NRXN3: variants seen among roughly 807,000 people sequenced by gnomAD.
The protein encoded by NRXN3 is neurexin 3, also known as neurexin III.
Under a neutral mutation model 137.6 loss-of-function variants are expected in NRXN3, and 32 were observed. The observed-to-expected ratio is 0.23, with a 90% CI of 0.18 to 0.31. NRXN3 has a LOEUF of 0.31. Among genes scored for constraint, NRXN3 ranks in the 10% least tolerant of loss-of-function variants. The pLI is 1.00. For missense variants in NRXN3, 1,574 were observed against 2,062.5 expected, an observed-to-expected ratio of 0.76 and a Z score of 4.59; for synonymous variants, 798 against 784.5, an observed-to-expected ratio of 1.02 and a Z score of -0.29.
At chr14:79,804,886 A>AGCTC (rs2099197601) in intron 19 of NRXN3, among the ~76,000 whole-genome samples, 1 of 152,106 alleles carries the variant, frequency 6.6e-6, no homozygotes, top group Admixed American at 6.5e-5. Flanking sequence ...TGGGTCACTC[A>AGCTC]GCTCTACGGA....
intron 4 of NRXN3, among the ~76,000 whole-genome samples, chr14:78,407,456 G>T (rs905740553): frequency 8.5e-5 from 13 of 152,136 alleles, no homozygotes; most frequent in Admixed American, 3.3e-4. Flanking sequence ...GAAACCTGGG[G>T]TTATGCTTTG....
At position 78,542,833 on chromosome 14, in the gene NRXN3, A is replaced by G. The variant is rs2096604090; in HGVS notation, c.758-102287A>G. The stretch of plus-strand genomic sequence containing the variant: ...TTGGCCATCTTGGAATACCCACTCC[A>G]GATTTCTTTTCTTAAAATAATACCT... On this transcript the variant is annotated intron_variant, in intron 4 of 20. Coordinates refer to ENST00000335750, the MANE Select transcript of NRXN3 (RefSeq NM_001330195.2). Among the ~76,000 whole-genome samples the G allele has an allele frequency of 2.0e-5, 3 of 152,176 alleles. 1 individual carries two copies. The highest frequency in any genetic ancestry group is 2.0e-4 in the Admixed American group (3 of 15,268).
intron 15 of NRXN3, among the ~76,000 whole-genome samples, chr14:79,178,500 C>T (rs1596890496): frequency 6.6e-6 from 1 of 152,182 alleles, no homozygotes; most frequent in Non-Finnish European, 1.5e-5. Context: ...GGAAAAACAA[C>T]ATTTACTTTC....
intron 15 of NRXN3, among the ~76,000 whole-genome samples, chr14:79,005,898 A>G (rs141168510): frequency 6.6e-6 from 1 of 152,260 alleles, no homozygotes; most frequent in African/African-American, 2.4e-5. Flanking sequence ...TCTTTCACTA[A>G]ATATTTCATC....
intron 4 of NRXN3, among the ~76,000 whole-genome samples, chr14:78,329,993 A>T (rs2080594566): frequency 2.0e-5 from 3 of 152,174 alleles, no homozygotes; most frequent in Non-Finnish European, 4.4e-5. Context: ...AAAACAGCAG[A>T]TGCTCCCAGG....
chr14:78,336,319 C>T (rs776194909), intron 4 of NRXN3, among the ~76,000 whole-genome samples: 4 of 152,112 alleles, frequency 2.6e-5, no homozygotes, highest in South Asian at 2.1e-4. Context: ...TTTTCTTATG[C>T]GTCCTTGGTC....
At chr14:79,111,696 C>G (rs978596668) in intron 15 of NRXN3, among the ~76,000 whole-genome samples, 1 of 151,208 alleles carries the variant, frequency 6.6e-6, no homozygotes, top group Admixed American at 6.6e-5. Context: ...TGAGATCGCA[C>G]CGTGGCACTC....
At chr14:78,615,768 C>A (rs954628132) in intron 4 of NRXN3, among the ~76,000 whole-genome samples, 10 of 151,908 alleles carry the variant, frequency 6.6e-5, no homozygotes, top group African/African-American at 1.9e-4. Context: ...GACACAGTCT[C>A]TACCCCCAAA....
chr14:78,518,348 T>A (rs571480248), intron 4 of NRXN3, among the ~76,000 whole-genome samples: 1 of 151,490 alleles, frequency 6.6e-6, no homozygotes, highest in East Asian at 1.9e-4. Flanking sequence ...AGTCTTTATG[T>A]TTAGCATCAC....
chr14:79,142,134 A>G (rs1357279311), intron 15 of NRXN3, among the ~76,000 whole-genome samples: 2 of 152,154 alleles, frequency 1.3e-5, no homozygotes, highest in African/African-American at 2.4e-5. Flanking sequence ...TTGTCCATTG[A>G]AAAGGGCAGA....
At chr14:78,655,202 A>G (rs1472364055) in intron 6 of NRXN3, among the ~76,000 whole-genome samples, 1 of 152,230 alleles carries the variant, frequency 6.6e-6, no homozygotes, top group African/African-American at 2.4e-5. Flanking sequence ...CTAACCCATA[A>G]CAAGGAGATA....
At chr14:79,834,075 A>T (rs141318359) in intron 20 of NRXN3, among the ~76,000 whole-genome samples, 2,484 of 152,254 alleles carry the variant, frequency 0.016, 64 homozygotes, top group African/African-American at 0.057. Context: ...GTTGTTTGTT[A>T]TTAAAGTCCC....
chr14:79,120,734 A>G (rs2055266471), intron 15 of NRXN3, among the ~76,000 whole-genome samples: 1 of 152,110 alleles, frequency 6.6e-6, no homozygotes, highest in South Asian at 2.1e-4. Flanking sequence ...GAATGCAAAG[A>G]TGTTAAATTT....
intron 15 of NRXN3, among the ~76,000 whole-genome samples, chr14:79,346,562 C>G (rs967562054): frequency 1.3e-5 from 2 of 152,148 alleles, no homozygotes; most frequent in Admixed American, 6.5e-5. Flanking sequence ...TTCTTACTGC[C>G]TGGAAATCTT....
intron 15 of NRXN3, among the ~76,000 whole-genome samples, chr14:79,293,317 G>A (rs146453128): frequency 1.2e-3 from 189 of 152,230 alleles, no homozygotes; most frequent in African/African-American, 4.4e-3. Context: ...ATAATGTTCT[G>A]ATGAAGGACT....
At position 79,163,631 on chromosome 14, in the gene NRXN3, C is replaced by G. The variant is rs538172067; in HGVS notation, c.3262+175490C>G. Among the ~76,000 whole-genome samples the G allele has an allele frequency of 3.1e-3, 465 of 151,968 alleles. 4 individuals carry two copies. Among genetic ancestry groups the G allele is most frequent in the African/African-American group, 0.011 (439 of 41,488 alleles). On this transcript the variant is annotated intron_variant, in intron 15 of 20. Coordinates refer to ENST00000335750, the MANE Select transcript of NRXN3 (RefSeq NM_001330195.2). ...CATTGTAATTTATCTCTTCCTTATT[C>G]CTCCATATTATTTAATTTAGTAAGC...
chr14:78,592,190 C>A (rs1316714306), intron 4 of NRXN3, among the ~76,000 whole-genome samples: 3 of 151,976 alleles, frequency 2.0e-5, no homozygotes, highest in South Asian at 2.1e-4. Context: ...CTAACTGAAC[C>A]ATCTTTTCTT....
At chr14:78,357,443 C>G (rs137984460) in intron 4 of NRXN3, among the ~76,000 whole-genome samples, 1 of 152,246 alleles carries the variant, frequency 6.6e-6, no homozygotes, top group African/African-American at 2.4e-5. Context: ...TGGATGGGGA[C>G]ACAGAGCCAT....
intron 16 of NRXN3, among the ~76,000 whole-genome samples, chr14:79,540,558 A>C (rs147349763): frequency 0.01 from 1,547 of 152,308 alleles, 17 homozygotes; most frequent in Non-Finnish European, 0.014. Flanking sequence ...GTACCTGTTG[A>C]CCAATCATGG....
Sources: allele counts gnomAD v4.1 joint callset (sites outside exome capture counted in the v4.1 genomes callset), GRCh38; gene constraint gnomAD v4.1.1; transcripts MANE v1.5; gene names NCBI Gene and HGNC (gene_info 2026-07-23, HGNC 2026-07-21).